The following RSPO2 variants were observed in gnomAD, a reference collection of about 807,000 sequenced individuals.
The protein encoded by RSPO2 is R-spondin-2.
In RSPO2, 14 loss-of-function variants were observed where a neutral mutation model predicts 30.9. That is an observed-to-expected ratio of 0.45 (90% confidence interval 0.30 to 0.71). The LOEUF is 0.71. Ranked by LOEUF, RSPO2 falls within the 30% of genes least tolerant of loss-of-function variation. RSPO2 has a pLI of 0.08. For synonymous variants in RSPO2, 107 were observed against 96.4 expected (o/e 1.11, Z -0.64); for missense variants, 264 against 301.9 (o/e 0.87, Z 0.93).
intron 2 of RSPO2, among the ~76,000 whole-genome samples, chr8:108,072,629 C>T (rs1028552664): frequency 7.3e-5 from 11 of 151,698 alleles, no homozygotes; most frequent in Non-Finnish European, 1.5e-4. Flanking sequence ...TAAGCCACCG[C>T]GCCCGGCCGA....
intron 2 of RSPO2, among the ~76,000 whole-genome samples, chr8:108,081,701 T>G (rs1442114099): frequency 2.0e-5 from 3 of 151,990 alleles, no homozygotes; most frequent in African/African-American, 7.2e-5. Context: ...CCGAAACCTT[T>G]CTGGAGGCTT....
intron 2 of RSPO2, among the ~76,000 whole-genome samples, chr8:108,060,967 T>G (rs1288529720): frequency 5.3e-5 from 8 of 151,732 alleles, no homozygotes; most frequent in Non-Finnish European, 1.2e-4. Context: ...TAAAATCCTT[T>G]ACAGACAAGC....
At chr8:107,972,092 G>A (rs189751314) in intron 3 of RSPO2, among the ~76,000 whole-genome samples, 151 of 152,136 alleles carry the variant, frequency 9.9e-4, no homozygotes, top group African/African-American at 3.5e-3. Context: ...GATGATAGAT[G>A]TATCTGCTGA....
chr8:107,901,157 TTCC>T lies in RSPO2; in HGVS notation c.647_649del (p.Arg216del). The T allele has an allele frequency of 6.2e-7, 1 of 1,614,028 alleles. No homozygotes were observed. Among genetic ancestry groups the T allele is most frequent in the Non-Finnish European group, 8.5e-7 (1 of 1,179,940 alleles). On this transcript the variant is annotated inframe_deletion, in exon 6 of 6. Coordinates refer to ENST00000276659, the MANE Select transcript of RSPO2 (RefSeq NM_178565.5). Reference sequence around the variant, plus strand: ...TATCAGCTTCCTTTTCTTTTTCTTGTTCCTCTTCTCCTTCGCCTTTGGTGTTCT... The same window carrying T: ...TATCAGCTTCCTTTTCTTTTTCTTGTTCTTCTCCTTCGCCTTTGGTGTTCT...
intron 2 of RSPO2, among the ~76,000 whole-genome samples, chr8:108,069,504 G>A (rs961412542): frequency 1.3e-5 from 2 of 152,068 alleles, no homozygotes; most frequent in East Asian, 1.9e-4. Flanking sequence ...GAGCCACTAC[G>A]CCCGGCAAGT....
At chr8:107,973,536 A>T (rs1323392633) in intron 3 of RSPO2, among the ~76,000 whole-genome samples, 5 of 15,410 alleles carry the variant, frequency 3.2e-4, no homozygotes, top group South Asian at 3.5e-3. Flanking sequence ...ACACACTCAC[A>T]CACACACACA....
intron 2 of RSPO2, among the ~76,000 whole-genome samples, chr8:108,039,614 CAAA>C (rs1209316754): frequency 6.6e-6 from 1 of 152,056 alleles, no homozygotes; most frequent in African/African-American, 2.4e-5. Flanking sequence ...AGGTACCTTT[CAAA>C]AGGGAAAACA....
At chr8:108,035,654 G>A (rs535829255) in intron 2 of RSPO2, among the ~76,000 whole-genome samples, 2 of 152,138 alleles carry the variant, frequency 1.3e-5, no homozygotes, top group African/African-American at 2.4e-5. Flanking sequence ...TGTATTTTTA[G>A]TAGAGATGGG....
chr8:107,951,152 T>C (rs1489873314), intron 5 of RSPO2, among the ~76,000 whole-genome samples: 1 of 151,602 alleles, frequency 6.6e-6, no homozygotes, highest in Admixed American at 6.6e-5. Flanking sequence ...ACCTCCTGGG[T>C]TCAAGAGATT....
In RSPO2 at chr8:107,914,481, T is replaced by C. The variant is rs1205989231; in HGVS notation, c.617-13291A>G. ...AATAGGTAAAAAAAAAAAAATACCTTTTAACATTTCTATTATAAAAATAGA... is the reference window on the plus strand; with the variant it reads ...AATAGGTAAAAAAAAAAAAATACCTCTTAACATTTCTATTATAAAAATAGA... On this transcript the variant is annotated intron_variant, in intron 5 of 5. Coordinates refer to ENST00000276659, the MANE Select transcript of RSPO2 (RefSeq NM_178565.5). Among the ~76,000 whole-genome samples the C allele has an allele frequency of 3.6e-4, 54 of 151,682 alleles. 1 individual carries two copies. The highest frequency in any genetic ancestry group is 3.6e-3 in the Admixed American group (54 of 15,170).
intron 5 of RSPO2, among the ~76,000 whole-genome samples, chr8:107,930,287 C>T (rs1446822133): frequency 6.6e-6 from 1 of 152,164 alleles, no homozygotes; most frequent in African/African-American, 2.4e-5. Context: ...AAAGATTTCA[C>T]TCTTTAACAA....
At chr8:107,952,771 G>A (rs928696785) in intron 5 of RSPO2, among the ~76,000 whole-genome samples, 7 of 152,114 alleles carry the variant, frequency 4.6e-5, no homozygotes, top group Non-Finnish European at 1.0e-4. Flanking sequence ...ACATGTTGCT[G>A]TCAGTTTATA....
intron 5 of RSPO2, among the ~76,000 whole-genome samples, chr8:107,909,793 T>C (rs1811765659): frequency 6.6e-6 from 1 of 152,240 alleles, no homozygotes; most frequent in Non-Finnish European, 1.5e-5. Context: ...CTTATTCTTT[T>C]TCTTACATTT....
chr8:108,032,742 T>C (rs1811461902), intron 2 of RSPO2, among the ~76,000 whole-genome samples: 1 of 152,112 alleles, frequency 6.6e-6, no homozygotes, highest in African/African-American at 2.4e-5. Context: ...GCAGTCCTCC[T>C]GCCTCAGCCT....
intron 2 of RSPO2, among the ~76,000 whole-genome samples, chr8:108,014,835 A>C (rs1810827099): frequency 6.8e-6 from 1 of 146,626 alleles, no homozygotes; most frequent in African/African-American, 2.6e-5. Context: ...CCCAGAACTT[A>C]AAGTATAATA....
intron 5 of RSPO2, among the ~76,000 whole-genome samples, chr8:107,911,617 C>T (rs895706458): frequency 1.3e-5 from 2 of 152,126 alleles, no homozygotes; most frequent in Admixed American, 6.5e-5. Flanking sequence ...TAAACGATAG[C>T]GCTATATAAG....
chr8:108,057,114 T>C (rs1266276907), intron 2 of RSPO2, among the ~76,000 whole-genome samples: 1 of 138,958 alleles, frequency 7.2e-6, no homozygotes, highest in Non-Finnish European at 1.6e-5. Context: ...TATAAGGTTA[T>C]TGATAGCATA....
intron 2 of RSPO2, among the ~76,000 whole-genome samples, chr8:107,999,366 T>TTAGGTCTTTAATC (rs10679869): frequency 8.2e-6 from 1 of 121,798 alleles, no homozygotes; most frequent in Non-Finnish European, 2.0e-5. Flanking sequence ...TTAAAGGTCT[T>TTAGGTCTTTAATC]AGATCATTTG....
At chr8:108,033,952 C>T (rs750350114) in intron 2 of RSPO2, among the ~76,000 whole-genome samples, 2 of 152,112 alleles carry the variant, frequency 1.3e-5, no homozygotes, top group Non-Finnish European at 2.9e-5. Context: ...TTTCTAAGAG[C>T]AATCAAAACA....
Sources: gnomAD v4.1 joint callset for allele counts (sites outside exome capture counted in the v4.1 genomes callset) on GRCh38, gnomAD v4.1.1 for gene constraint, MANE v1.5 for transcripts, NCBI Gene and HGNC (gene_info 2026-07-23, HGNC 2026-07-21) for gene names.